ZNG1C: variants seen among roughly 807,000 people sequenced by gnomAD.
ZNG1C encodes zinc-regulated GTPase metalloprotein activator 1C.
At chr9:68,267,087 A>G in the ZNG1C span, among the ~76,000 whole-genome samples, 1 of 151,566 alleles carries the variant, frequency 6.6e-6, no homozygotes. Context: ...CTATACAGAG[A>G]GACATTCGGT....
At chr9:68,254,803 C>T in the ZNG1C span, 2 of 138,660 alleles carry the variant, frequency 1.4e-5, no homozygotes, top group African/African-American at 2.7e-5. Context: ...GGACATCATT[C>T]GACCTCAGAC....
At chr9:68,296,302 T>C in the ZNG1C span, among the ~76,000 whole-genome samples, 147 of 149,704 alleles carry the variant, frequency 9.8e-4, no homozygotes, top group African/African-American at 3.6e-3. Context: ...ACAATAAACT[T>C]TGGGGACTCA....
the ZNG1C span, among the ~76,000 whole-genome samples, chr9:68,266,700 T>C: frequency 7.3e-6 from 1 of 136,694 alleles, no homozygotes; most frequent in African/African-American, 3.1e-5. Flanking sequence ...ATCCCTGAGT[T>C]CTTTCTTGTT....
the ZNG1C span, among the ~76,000 whole-genome samples, chr9:68,296,586 A>G: frequency 2.9e-3 from 442 of 152,258 alleles, no homozygotes; most frequent in Non-Finnish European, 4.7e-3. Context: ...TGATTATGTA[A>G]TGGTGAGTAA....
the ZNG1C span, among the ~76,000 whole-genome samples, chr9:68,259,710 C>G: frequency 6.6e-6 from 1 of 151,886 alleles, no homozygotes; most frequent in Non-Finnish European, 1.5e-5. Flanking sequence ...AGGATTTTAC[C>G]ATGTTGACCA....
chr9:68,244,551 G>A, the ZNG1C span, among the ~76,000 whole-genome samples: 1 of 132,010 alleles, frequency 7.6e-6, no homozygotes, highest in African/African-American at 3.1e-5. Flanking sequence ...TAGCAGCACT[G>A]TAATAGTAAA....
chr9:68,280,183 A>ATT, the ZNG1C span, among the ~76,000 whole-genome samples: 1 of 132,358 alleles, frequency 7.6e-6, no homozygotes. Flanking sequence ...ACTTCTCTGT[A>ATT]TTGGTTATTC....
chr9:68,299,930 T>C, the ZNG1C span: 2 of 152,664 alleles, frequency 1.3e-5, no homozygotes, highest in African/African-American at 2.4e-5. Context: ...TGCAGAGATA[T>C]AATGATTACA....
At chr9:68,275,469 TCCCCCCTCC>T in the ZNG1C span, among the ~76,000 whole-genome samples, 1 of 106,288 alleles carries the variant, frequency 9.4e-6, no homozygotes, top group South Asian at 3.7e-4. Context: ...ATGCTATCCC[TCCCCCCTCC>T]CCCCAACCCA....
At chr9:68,299,528 G>T in the ZNG1C span, 1 of 586,438 alleles carries the variant, frequency 1.7e-6, no homozygotes, top group Non-Finnish European at 3.0e-6. Flanking sequence ...TATAGCTACT[G>T]TGACAGAAAC....
chr9:68,269,230 GAAGAA>G, the ZNG1C span: 1 of 324,256 alleles, frequency 3.1e-6, no homozygotes, highest in East Asian at 5.5e-5. Flanking sequence ...GCTTAATGAG[GAAGAA>G]AAGACTTCCA....
At chr9:68,270,884 A>AT in the ZNG1C span, 554 of 141,706 alleles carry the variant, frequency 3.9e-3, 3 homozygotes, top group African/African-American at 0.014. Context: ...CTCTGTCTCA[A>AT]AAAAAAAAAA....
the ZNG1C span, among the ~76,000 whole-genome samples, chr9:68,268,276 A>T: frequency 6.6e-6 from 1 of 151,778 alleles, no homozygotes. Context: ...GGCAATGGAA[A>T]AGATAAATAG....
chr9:68,296,483 G>T, the ZNG1C span, among the ~76,000 whole-genome samples: 1 of 152,234 alleles, frequency 6.6e-6, no homozygotes, highest in Non-Finnish European at 1.5e-5. Flanking sequence ...ATATGTTTCT[G>T]CCTAAATTGG....
At chr9:68,247,547 C>T in the ZNG1C span, 1 of 934,596 alleles carries the variant, frequency 1.1e-6, no homozygotes, top group East Asian at 2.6e-5. Context: ...ATTGAGTTAT[C>T]CTCATCTTTG....
the ZNG1C span, chr9:68,299,158 T>C: frequency 2.1e-5 from 31 of 1,507,030 alleles, 1 homozygote; most frequent in Admixed American, 5.6e-4. Flanking sequence ...GGATATCATG[T>C]GCCACTTAAA....
the ZNG1C span, chr9:68,249,076 A>T: frequency 1.6e-5 from 9 of 568,480 alleles, no homozygotes; most frequent in Admixed American, 1.6e-4. Context: ...TGAATGAATG[A>T]TCAGAGTATT....
At chr9:68,267,096 G>A in the ZNG1C span, among the ~76,000 whole-genome samples, 1 of 151,768 alleles carries the variant, frequency 6.6e-6, no homozygotes, top group African/African-American at 2.4e-5. Flanking sequence ...GAGACATTCG[G>A]TAGCTATTAT....
At chr9:68,281,161 T>A in the ZNG1C span, among the ~76,000 whole-genome samples, 3 of 151,404 alleles carry the variant, frequency 2.0e-5, no homozygotes, top group Non-Finnish European at 3.0e-5. Context: ...CCCCTGTGCT[T>A]CCCAAGTGAG....
Sources: allele counts gnomAD v4.1 joint callset (sites outside exome capture counted in the v4.1 genomes callset), GRCh38; gene constraint gnomAD v4.1.1; transcripts MANE v1.5; gene names NCBI Gene and HGNC (gene_info 2026-07-23, HGNC 2026-07-21).